Variants in ROBO2 observed in about 807,000 individuals in gnomAD.
ROBO2 encodes roundabout guidance receptor 2.
A neutral mutation model predicts 160.8 loss-of-function variants in ROBO2; 53 were observed. The ratio of observed to expected loss-of-function variants is 0.33; its 90% CI spans 0.26 to 0.41. ROBO2 has a LOEUF of 0.41. ROBO2 is among the 10% of genes least tolerant of loss of function. The pLI, the probability that ROBO2 is intolerant of heterozygous loss-of-function variation, is 1.00. For synonymous variants in ROBO2, 664 were observed against 611.7 expected (o/e 1.09, Z -1.26); for missense variants, 1,577 against 1,722.4 (o/e 0.92, Z 1.49).
chr3:77,395,048 C>A (rs1444472364), intron 2 of ROBO2, among the ~76,000 whole-genome samples: 1 of 152,110 alleles, frequency 6.6e-6, no homozygotes, highest in East Asian at 1.9e-4. Flanking sequence ...TTAGTAGTTT[C>A]TCTTGCTATT....
At chr3:77,564,624 A>G (rs2093426793) in intron 11 of ROBO2, 1 of 433,452 alleles carries the variant, frequency 2.3e-6, no homozygotes, top group African/African-American at 2.0e-5. Context: ...GACCATACTT[A>G]TTGTATAAAC....
At chr3:76,137,089 A>C (rs139541250) in intron 2 of ROBO2, among the ~76,000 whole-genome samples, 187 of 152,156 alleles carry the variant, frequency 1.2e-3, no homozygotes, top group African/African-American at 4.4e-3. Context: ...TACATGAATT[A>C]ATACACAGTT....
intron 2 of ROBO2, among the ~76,000 whole-genome samples, chr3:76,296,925 A>G (rs1271852610): frequency 6.6e-6 from 1 of 152,214 alleles, no homozygotes; most frequent in Non-Finnish European, 1.5e-5. Flanking sequence ...TCATTAATTA[A>G]CTACACATCT....
At chr3:76,019,647 G>A (rs545709264) in intron 2 of ROBO2, among the ~76,000 whole-genome samples, 12 of 151,484 alleles carry the variant, frequency 7.9e-5, no homozygotes, top group East Asian at 7.8e-4. Context: ...AGCTCCATGC[G>A]TATCTGAGAA....
chr3:76,888,196 C>T (rs991684302), intron 2 of ROBO2, among the ~76,000 whole-genome samples: 2 of 152,078 alleles, frequency 1.3e-5, no homozygotes, highest in African/African-American at 4.8e-5. Flanking sequence ...GGTGAAACCC[C>T]GTCTCCACTA....
At chr3:76,906,429 T>C (rs188812699) in intron 2 of ROBO2, among the ~76,000 whole-genome samples, 162 of 151,966 alleles carry the variant, frequency 1.1e-3, no homozygotes, top group African/African-American at 3.7e-3. Flanking sequence ...TCTTGATTCA[T>C]TAGGTTATTT....
chr3:77,476,882 C>G (rs2084076181), intron 2 of ROBO2, among the ~76,000 whole-genome samples: 1 of 152,088 alleles, frequency 6.6e-6, no homozygotes, highest in African/African-American at 2.4e-5. Context: ...TAGTGTGCTG[C>G]AAGGGTGAAC....
intron 2 of ROBO2, among the ~76,000 whole-genome samples, chr3:76,772,522 T>TC (rs2061974686): frequency 6.7e-6 from 1 of 149,868 alleles, no homozygotes; most frequent in Non-Finnish European, 1.5e-5. Flanking sequence ...TTTTTCTTTT[T>TC]TTTTTTTTTA....
At chr3:77,466,867 A>G (rs528636905) in intron 2 of ROBO2, among the ~76,000 whole-genome samples, 1 of 152,224 alleles carries the variant, frequency 6.6e-6, no homozygotes, top group Non-Finnish European at 1.5e-5. Flanking sequence ...AACTCATGAC[A>G]TCTGGCAGTT....
intron 2 of ROBO2, chr3:75,937,663 A>G (rs1191729482): frequency 3.8e-6 from 4 of 1,056,062 alleles, no homozygotes; most frequent in East Asian, 2.8e-5. Flanking sequence ...TTATGATGAT[A>G]TTATGTGAGT....
chr3:76,410,020 C>T (rs980814981), intron 2 of ROBO2, among the ~76,000 whole-genome samples: 10 of 151,924 alleles, frequency 6.6e-5, no homozygotes, highest in African/African-American at 2.2e-4. Flanking sequence ...TGAAGAAGAC[C>T]GGACAAAAGG....
chr3:77,360,778 C>T (rs1339166438), intron 2 of ROBO2, among the ~76,000 whole-genome samples: 2 of 152,088 alleles, frequency 1.3e-5, no homozygotes, highest in Non-Finnish European at 2.9e-5. Flanking sequence ...GTCTGGGCCC[C>T]ATCTCCACAT....
intron 2 of ROBO2, among the ~76,000 whole-genome samples, chr3:76,315,061 C>A (rs1056952439): frequency 7.3e-5 from 11 of 151,712 alleles, no homozygotes; most frequent in African/African-American, 2.4e-4. Flanking sequence ...ATAGTCAAAA[C>A]GTTGACCCCT....
At chr3:76,097,885 C>T (rs1576845505) in intron 2 of ROBO2, among the ~76,000 whole-genome samples, 1 of 152,268 alleles carries the variant, frequency 6.6e-6, no homozygotes, top group Non-Finnish European at 1.5e-5. Flanking sequence ...AATGTGACAT[C>T]TTTATTTCCC....
intron 2 of ROBO2, among the ~76,000 whole-genome samples, chr3:76,924,905 C>A (rs1012097209): frequency 1.3e-5 from 2 of 152,196 alleles, no homozygotes; most frequent in African/African-American, 4.8e-5. Flanking sequence ...TAGTGACTCA[C>A]ATTTTTAAAA....
At chr3:76,888,149 C>A (rs535721593) in intron 2 of ROBO2, among the ~76,000 whole-genome samples, 1 of 152,232 alleles carries the variant, frequency 6.6e-6, no homozygotes, top group South Asian at 2.1e-4. Flanking sequence ...GGGTGGATGA[C>A]TTGAGGCTGG....
At chr3:76,172,920 A>T (rs1026065949) in intron 2 of ROBO2, among the ~76,000 whole-genome samples, 1 of 152,134 alleles carries the variant, frequency 6.6e-6, no homozygotes, top group Non-Finnish European at 1.5e-5. Context: ...TCAGTGAAAC[A>T]TGTAAACATA....
At chr3:75,953,271 A>G (rs1242951062) in intron 2 of ROBO2, among the ~76,000 whole-genome samples, 1 of 151,966 alleles carries the variant, frequency 6.6e-6, no homozygotes, top group East Asian at 1.9e-4. Context: ...AACATTTGGT[A>G]TTATCAGACT....
chr3:77,105,140 G>T (rs2072615072), intron 2 of ROBO2, among the ~76,000 whole-genome samples: 1 of 152,162 alleles, frequency 6.6e-6, no homozygotes, highest in Non-Finnish European at 1.5e-5. Flanking sequence ...TTCAGACTAA[G>T]AAATTAATGA....
Sources: gnomAD v4.1 joint callset for allele counts (sites outside exome capture counted in the v4.1 genomes callset) on GRCh38, gnomAD v4.1.1 for gene constraint, MANE v1.5 for transcripts, NCBI Gene and HGNC (gene_info 2026-07-23, HGNC 2026-07-21) for gene names.